Variants in PCYT1B observed in about 807,000 individuals in gnomAD.
PCYT1B encodes the protein choline-phosphate cytidylyltransferase B.
A neutral mutation model predicts 26.4 loss-of-function variants in PCYT1B; 10 were observed. That is an observed-to-expected ratio of 0.38 (90% confidence interval 0.23 to 0.64). The LOEUF is 0.64. Among genes scored for constraint, PCYT1B ranks in the 30% least tolerant of loss-of-function variants. The pLI is 0.56. For synonymous variants in PCYT1B, 131 were observed against 108.4 expected, an observed-to-expected ratio of 1.21 and a Z score of -1.29; for missense variants, 161 against 292.7, an observed-to-expected ratio of 0.55 and a Z score of 3.28.
intron 1 of PCYT1B, among the ~76,000 whole-genome samples, chrX:24,629,598 TATTTTCCAACTTTA>T (rs1266043718): frequency 1.7e-5 from 1 of 59,932 alleles, no homozygotes; most frequent in Non-Finnish European, 3.5e-5. Context: ...AAACAACACG[TATTTTCCAACTTTA>T]TTTAGAGTTC....
chrX:24,589,290 G>A (rs1028417908), intron 4 of PCYT1B, among the ~76,000 whole-genome samples: 57 of 111,952 alleles, frequency 5.1e-4, no homozygotes, highest in African/African-American at 1.8e-3. Flanking sequence ...AAATAGAAAA[G>A]AAAATTCTTA....
chrX:24,607,415 T>C, intron 3 of PCYT1B, among the ~76,000 whole-genome samples: 1 of 112,257 alleles, frequency 8.9e-6, no homozygotes, highest in Non-Finnish European at 1.9e-5. Context: ...GCTTCTCTTA[T>C]CCCTCTAGAA....
intron 1 of PCYT1B, among the ~76,000 whole-genome samples, chrX:24,662,881 G>A (rs185952582): frequency 1.8e-5 from 2 of 111,896 alleles, no homozygotes; most frequent in East Asian, 2.8e-4. Context: ...TGTTTCCTTT[G>A]CTATGTAAGT....
At chrX:24,610,229 C>A (rs912908715) in intron 2 of PCYT1B, among the ~76,000 whole-genome samples, 2 of 111,694 alleles carry the variant, frequency 1.8e-5, no homozygotes, top group African/African-American at 3.2e-5. Context: ...TGCAATGCAA[C>A]CTCATTAATT....
At chrX:24,607,661 T>C (rs1359092730) in intron 3 of PCYT1B, 84 bp downstream of exon 3, 2 of 508,101 alleles carry the variant, frequency 3.9e-6, no homozygotes, top group African/African-American at 4.8e-5. Context: ...GTGAGATTTT[T>C]ACTGATGGAA....
chrX:24,615,754 C>T (rs1241327887), intron 2 of PCYT1B, among the ~76,000 whole-genome samples: 2 of 111,772 alleles, frequency 1.8e-5, no homozygotes, highest in Non-Finnish European at 3.8e-5. Context: ...ATTTATTGAC[C>T]GCAGCGTATG....
chrX:24,571,610 A>C (rs1297812556), intron 7 of PCYT1B, among the ~76,000 whole-genome samples: 1 of 109,964 alleles, frequency 9.1e-6, no homozygotes, highest in Non-Finnish European at 1.9e-5. Context: ...TCACTTGGGG[A>C]GACTTAAAAG....
At position 24,559,767 on chromosome X, in the gene PCYT1B, C is replaced by T. The variant is rs764142324; in HGVS notation, c.*2526G>A. On this transcript the variant is annotated 3_prime_UTR_variant, in exon 8 of 8. Transcript: ENST00000379144. ...GCCCTAACAAAGTGCAACCCGGTCT[C>T]TGCCTGGGAGCAGGGAGGTGGTGTG... The T allele has an allele frequency of 2.7e-5, 3 of 112,086 alleles. No homozygotes were observed. The highest frequency in any genetic ancestry group is 5.6e-4 in the East Asian group (2 of 3,565). The allele number at this position is 112,086 out of a possible 1,213,427, so 9.2% of individuals were successfully genotyped here. A position where few individuals can be genotyped will look rare whatever the true frequency, so the allele number is the denominator to read the frequency against.
Position 24,579,307 on chromosome X carries a change from C to G in PCYT1B, c.708+9G>C. The G allele has an allele frequency of 8.3e-7, 1 of 1,207,768 alleles. No homozygotes were observed. Among genetic ancestry groups the G allele is most frequent in the Non-Finnish European group, 1.1e-6 (1 of 892,958 alleles). On this transcript the variant is annotated intron_variant, in intron 6 of 7. Transcript: ENST00000379144. Reference sequence around the variant, plus strand: ...GTGGTCTTCAGAGGGTTTGAGGTGGCATGCTTACATTTATAAAGCTGACAT... The same window carrying G: ...GTGGTCTTCAGAGGGTTTGAGGTGGGATGCTTACATTTATAAAGCTGACAT...
intron 3 of PCYT1B, among the ~76,000 whole-genome samples, chrX:24,593,455 CTTTTCTTTTCTTTTCTTTTCTTTTCTTTT>C (rs1924657711): frequency 1.2e-3 from 10 of 8,482 alleles, no homozygotes; most frequent in Admixed American, 4.9e-3. Flanking sequence ...CTTTTCTTTT[CTTTTCTTTTCTTTTCTTTTCTTTTCTTTT>C]CTTTTCTTTT....
At position 24,607,825 on chromosome X, in the gene PCYT1B, A is replaced by T. The variant is rs778191090; in HGVS notation, c.254T>A (p.Phe85Tyr). ...RPVRVYADGI[F>Y]DLFHSGHARA... is the part of the protein sequence containing the mutation. ...TGCATGACCTGAGTGGAAGAGGTCA[A>T]ATATTCCATCGGCGTATACTCTGAC... The change falls in exon 3 of 8, where the codon TTT (phenylalanine) becomes TAT (tyrosine). Residue 85 changes from phenylalanine to tyrosine, a missense_variant. Coordinates refer to ENST00000379144, the MANE Select transcript of PCYT1B (RefSeq NM_004845.5). 8.4e-7 allele frequency: 1 copy of T among 1,195,534 alleles called. No homozygotes were observed.
At chrX:24,610,000 G>A (rs901292831) in intron 2 of PCYT1B, among the ~76,000 whole-genome samples, 1 of 110,975 alleles carries the variant, frequency 9.0e-6, no homozygotes, top group Non-Finnish European at 1.9e-5. Context: ...GGCTGAGGCA[G>A]TAGAATCACT....
chrX:24,613,165 T>C (rs187077807), intron 2 of PCYT1B, among the ~76,000 whole-genome samples: 1 of 112,057 alleles, frequency 8.9e-6, no homozygotes, highest in East Asian at 2.8e-4. Context: ...TGTTGGTACC[T>C]GCTAGAAAAC....
At chrX:24,618,539 A>T in intron 2 of PCYT1B, among the ~76,000 whole-genome samples, 1 of 108,979 alleles carries the variant, frequency 9.2e-6, no homozygotes, top group East Asian at 2.9e-4. Context: ...ACCCTTCTTT[A>T]CCCTTGCACT....
chrX:24,644,998 A>G (rs1400943011), intron 1 of PCYT1B, among the ~76,000 whole-genome samples: 1 of 111,261 alleles, frequency 9.0e-6, no homozygotes, highest in Middle Eastern at 4.2e-3. Context: ...TGGGAGGTGG[A>G]GGTTGTGGTG....
chrX:24,644,449 TACACACACACACACACAC>T (rs201474505), intron 1 of PCYT1B, among the ~76,000 whole-genome samples: 1 of 95,357 alleles, frequency 1.0e-5, no homozygotes, highest in Admixed American at 1.2e-4. Context: ...ATGTGCATGA[TACACACACACACACACAC>T]ACACACACAC....
At chrX:24,618,822 A>G (rs761111595) in intron 2 of PCYT1B, among the ~76,000 whole-genome samples, 163 bp downstream of exon 2, 1 of 110,493 alleles carries the variant, frequency 9.1e-6, no homozygotes, top group East Asian at 2.8e-4. Flanking sequence ...GGGTTTCACC[A>G]TGTTGGCCAG....
At chrX:24,655,365 C>CT (rs1263932456) in intron 1 of PCYT1B, among the ~76,000 whole-genome samples, 1 of 112,514 alleles carries the variant, frequency 8.9e-6, no homozygotes, top group African/African-American at 3.2e-5. Flanking sequence ...CCCTTAACCC[C>CT]TTTTCTATTG....
At chrX:24,633,063 A>T (rs1215900118) in intron 1 of PCYT1B, among the ~76,000 whole-genome samples, 2 of 108,197 alleles carry the variant, frequency 1.8e-5, no homozygotes, top group African/African-American at 6.8e-5. Context: ...TACAAAAATG[A>T]GCTGGGTGTG....
Sources: allele counts gnomAD v4.1 joint callset (sites outside exome capture counted in the v4.1 genomes callset), GRCh38; gene constraint gnomAD v4.1.1; transcripts MANE v1.5; gene names NCBI Gene and HGNC (gene_info 2026-07-23, HGNC 2026-07-21).